Variants in GRM8 observed in about 807,000 individuals in gnomAD.
GRM8 encodes glutamate metabotropic receptor 8.
Under a neutral mutation model 87.2 loss-of-function variants are expected in GRM8, and 47 were observed. That is an observed-to-expected ratio of 0.54 (90% CI 0.43 to 0.69). GRM8 has a LOEUF of 0.69. GRM8 is among the 30% of genes least tolerant of loss of function. The pLI, the probability that GRM8 is intolerant of heterozygous loss-of-function variation, is 0.00. For missense variants in GRM8, 1,019 were observed against 1,139.2 expected, an observed-to-expected ratio of 0.89 and a Z score of 1.52; for synonymous variants, 396 against 404.5, an observed-to-expected ratio of 0.98 and a Z score of 0.25.
intron 9 of GRM8, among the ~76,000 whole-genome samples, chr7:126,472,955 G>A (rs1386878953): frequency 6.6e-6 from 1 of 152,214 alleles, no homozygotes; most frequent in Non-Finnish European, 1.5e-5. Flanking sequence ...CAAGAATTGT[G>A]ATTTGGTAAC....
At chr7:126,491,892 A>C (rs1245202337) in intron 9 of GRM8, among the ~76,000 whole-genome samples, 4 of 152,060 alleles carry the variant, frequency 2.6e-5, no homozygotes, top group Admixed American at 1.3e-4. Context: ...TATTTCCACA[A>C]GACCTGTTTC....
intron 3 of GRM8, among the ~76,000 whole-genome samples, chr7:126,916,008 C>T (rs1487137730): frequency 2.0e-5 from 3 of 152,218 alleles, no homozygotes; most frequent in East Asian, 1.9e-4. Context: ...AAATTAGGTT[C>T]CCAGACTCTG....
chr7:126,930,948 C>T (rs1805701784), intron 3 of GRM8, among the ~76,000 whole-genome samples: 1 of 152,150 alleles, frequency 6.6e-6, no homozygotes, highest in Non-Finnish European at 1.5e-5. Context: ...ACTTCTGCTT[C>T]CACCTCTCTC....
chr7:126,459,272 G>A (rs1803612533), intron 9 of GRM8, among the ~76,000 whole-genome samples: 1 of 151,428 alleles, frequency 6.6e-6, no homozygotes, highest in South Asian at 2.1e-4. Context: ...TATTAGAAGT[G>A]AGAAAACAAA....
intron 3 of GRM8, among the ~76,000 whole-genome samples, chr7:127,053,735 C>A (rs913615063): frequency 2.2e-5 from 3 of 134,454 alleles, no homozygotes; most frequent in African/African-American, 8.7e-5. Context: ...TTGCAGTGAG[C>A]TAAGACCACA....
At chr7:126,595,749 C>A (rs28896306) in intron 8 of GRM8, among the ~76,000 whole-genome samples, 3,128 of 152,170 alleles carry the variant, frequency 0.021, 122 homozygotes, top group African/African-American at 0.072. Flanking sequence ...TTTATTCAGT[C>A]TACTGTTGAT....
chr7:126,563,884 C>T (rs2150966492), intron 8 of GRM8, among the ~76,000 whole-genome samples: 1 of 152,296 alleles, frequency 6.6e-6, no homozygotes. Context: ...TGAAAGTGTA[C>T]ATTAACAGAG....
At chr7:126,831,105 C>A (rs993384298) in intron 6 of GRM8, among the ~76,000 whole-genome samples, 3 of 152,320 alleles carry the variant, frequency 2.0e-5, no homozygotes, top group Admixed American at 1.3e-4. Context: ...AGGTGTCAGT[C>A]TGCCCCTACT....
chr7:127,122,140 A>C (rs557718042), intron 2 of GRM8, among the ~76,000 whole-genome samples: 4 of 152,204 alleles, frequency 2.6e-5, no homozygotes, highest in Non-Finnish European at 5.9e-5. Flanking sequence ...AGATCCTAGG[A>C]AAGCACTTTG....
chr7:127,087,165 C>T (rs2132855112), intron 3 of GRM8, among the ~76,000 whole-genome samples: 2 of 152,272 alleles, frequency 1.3e-5, no homozygotes, highest in Middle Eastern at 6.8e-3. Flanking sequence ...AAAGGAGCAG[C>T]AGAGAAGAAA....
At position 126,595,157 on chromosome 7, in the gene GRM8, A is replaced by T. The variant is rs189198995; in HGVS notation, c.1494+14205T>A. On this transcript the variant is annotated intron_variant, in intron 8 of 10. Transcript: ENST00000339582. ...TTTGATGAAAATTTTATATTACTTT[A>T]TTTTTACTTTTATTTTAGGTTCAGA... Among the ~76,000 whole-genome samples the T allele has an allele frequency of 2.0e-5, 3 of 151,892 alleles. No individual in the cohort carries two copies. In the East Asian group the frequency reaches 5.8e-4, roughly 29 times the overall value.
intron 3 of GRM8, among the ~76,000 whole-genome samples, chr7:126,942,086 C>G (rs1379023833): frequency 1.3e-5 from 2 of 152,028 alleles, no homozygotes; most frequent in African/African-American, 2.4e-5. Flanking sequence ...CTTCTCCAGA[C>G]TTTCAAAAAG....
chr7:126,635,823 G>A (rs1266364858), intron 7 of GRM8, among the ~76,000 whole-genome samples: 1 of 152,094 alleles, frequency 6.6e-6, no homozygotes, highest in Non-Finnish European at 1.5e-5. Context: ...GGACTATAAT[G>A]TGATTCAGCT....
chr7:126,466,531 G>T (rs1454849327), intron 9 of GRM8, among the ~76,000 whole-genome samples: 3 of 151,768 alleles, frequency 2.0e-5, no homozygotes, highest in African/African-American at 7.3e-5. Context: ...AATTATAGAG[G>T]CTGAGAATTT....
At chr7:126,532,892 A>T in intron 9 of GRM8, 60 bp downstream of exon 9, 2 of 964,804 alleles carry the variant, frequency 2.1e-6, no homozygotes, top group Admixed American at 4.5e-5. Context: ...GAGGAAAAGC[A>T]TCCTAAAAGA....
intron 2 of GRM8, among the ~76,000 whole-genome samples, chr7:127,178,700 A>C (rs1794257171): frequency 6.6e-6 from 1 of 152,196 alleles, no homozygotes; most frequent in Non-Finnish European, 1.5e-5. Context: ...TCCTCAAACA[A>C]AACAATTATC....
chr7:127,183,955 A>C (rs1033480612), intron 2 of GRM8, among the ~76,000 whole-genome samples: 2 of 151,858 alleles, frequency 1.3e-5, no homozygotes, highest in African/African-American at 4.8e-5. Flanking sequence ...ACAACTACCA[A>C]AAGTCACAAA....
intron 3 of GRM8, among the ~76,000 whole-genome samples, chr7:126,983,116 G>C (rs1258420627): frequency 6.7e-6 from 1 of 150,258 alleles, no homozygotes; most frequent in African/African-American, 2.4e-5. Context: ...GTGTCCAGGT[G>C]GCAATCTTAA....
chr7:126,745,407 T>TTATATTATATTATATTATATTA (rs1815535247), intron 7 of GRM8, among the ~76,000 whole-genome samples: 1 of 150,330 alleles, frequency 6.7e-6, no homozygotes, highest in Non-Finnish European at 1.5e-5. Flanking sequence ...TTATATTATA[T>TTATATTATATTATATTATATTA]TATATTATAC....
Sources: gnomAD v4.1 joint callset for allele counts (sites outside exome capture counted in the v4.1 genomes callset) on GRCh38, gnomAD v4.1.1 for gene constraint, MANE v1.5 for transcripts, NCBI Gene and HGNC (gene_info 2026-07-23, HGNC 2026-07-21) for gene names.